Variants in MAP4 observed in about 807,000 individuals in gnomAD.
MAP4 encodes microtubule-associated protein 4.
Under a neutral mutation model 170.2 loss-of-function variants are expected in MAP4, and 76 were observed. The observed-to-expected ratio is 0.45, with a 90% confidence interval of 0.37 to 0.54. The LOEUF is 0.54. MAP4 is among the 20% of genes least tolerant of loss of function. MAP4 has a pLI of 0.00. For synonymous variants in MAP4, 909 were observed against 994.5 expected (o/e 0.91, Z 1.62); for missense variants, 2,506 against 2,748.0 (o/e 0.91, Z 1.97).
chr3:47,986,367 G>A (rs1004224010), intron 2 of MAP4, among the ~76,000 whole-genome samples: 1 of 151,754 alleles, frequency 6.6e-6, no homozygotes, highest in African/African-American at 2.4e-5. Flanking sequence ...TTTTGAGATG[G>A]AGTCACTCTG....
chr3:48,002,954 AAAAT>A (rs55814118), intron 1 of MAP4, among the ~76,000 whole-genome samples: 6,198 of 144,716 alleles, frequency 0.043, 395 homozygotes, highest in African/African-American at 0.14. Flanking sequence ...ATTAAGGCCA[AAAAT>A]AAATAAATAA....
chr3:47,941,752 ACTCCAGCCTG>A lies in MAP4; in HGVS notation c.293-13412_293-13403del, dbSNP rs578155202. On this transcript the variant is annotated intron_variant, in intron 3 of 20. Coordinates refer to ENST00000683076, the MANE Select transcript of MAP4 (RefSeq NM_001385682.1). ...CAATGAGCTGAGATCGTGCCATTGCACTCCAGCCTGGGCAACAGGGCAAGACTCCGTCTCA... is the reference window on the plus strand; with the variant it reads ...CAATGAGCTGAGATCGTGCCATTGCAGGCAACAGGGCAAGACTCCGTCTCA... 4.4e-3 allele frequency among the ~76,000 whole-genome samples: 648 copies of A among 147,766 alleles called. 5 individuals are homozygous for A. The highest frequency in any genetic ancestry group is 0.032 in the South Asian group (150 of 4,670).
chr3:47,853,391 C>CG (rs757288915), intron 19 of MAP4, 39 bp from the exon 20 acceptor site: 31 of 1,411,768 alleles, frequency 2.2e-5, no homozygotes, highest in Non-Finnish European at 2.6e-5. Context: ...CAGGGTCAGT[C>CG]GAGGGGGGGA....
intron 1 of MAP4, among the ~76,000 whole-genome samples, chr3:48,044,016 T>G (rs1377855977): frequency 6.6e-6 from 1 of 151,004 alleles, no homozygotes; most frequent in African/African-American, 2.4e-5. Context: ...CAGCTAATGT[T>G]TGTATTTTTA....
chr3:47,867,162 T>C (rs1384216678), intron 17 of MAP4, 84 bp downstream of exon 17: 9 of 939,762 alleles, frequency 9.6e-6, no homozygotes, highest in East Asian at 2.4e-5. Context: ...TGGGATTCTA[T>C]CTACATGGGC....
intron 10 of MAP4, among the ~76,000 whole-genome samples, chr3:47,895,061 T>C (rs1246696290): frequency 1.3e-5 from 2 of 150,468 alleles, no homozygotes; most frequent in Non-Finnish European, 2.9e-5. Flanking sequence ...ATTGTTGTAA[T>C]ACAGTCTGAA....
At chr3:48,074,193 C>T (rs1203652773) in intron 1 of MAP4, among the ~76,000 whole-genome samples, 2 of 151,452 alleles carry the variant, frequency 1.3e-5, no homozygotes, top group Non-Finnish European at 2.9e-5. Flanking sequence ...TCATTCTGAG[C>T]AAACTATCAC....
At position 47,911,909 on chromosome 3, in the gene MAP4, TAACTA is replaced by T; in HGVS notation, c.2507_2511del (p.Leu836Ter). 1.3e-6 allele frequency: 2 copies of T among 1,536,120 alleles called. No homozygotes were observed. The highest frequency in any genetic ancestry group is 2.4e-5 in the South Asian group (2 of 84,064). On this transcript the variant is annotated frameshift_variant, in exon 9 of 21. Coordinates refer to ENST00000683076, the MANE Select transcript of MAP4 (RefSeq NM_001385682.1). LOFTEE classifies it high-confidence loss of function. This position sits in a 1 kb window ranked among gnomAD's most constrained non-coding sequence, Gnocchi z 4.0. ...GCTACCAGTCTGGCTGCACTGGAGT[TAACTA>T]AACATTCCCTTTTCAAGTTTTCTCC...
At chr3:47,981,391 A>G (rs2100085353) in intron 2 of MAP4, among the ~76,000 whole-genome samples, 1 of 151,816 alleles carries the variant, frequency 6.6e-6, no homozygotes, top group Non-Finnish European at 1.5e-5. Flanking sequence ...CCCATCTCTA[A>G]AAATAAATAA....
At chr3:47,922,760 A>G (rs912220490) in intron 4 of MAP4, among the ~76,000 whole-genome samples, 1 of 152,160 alleles carries the variant, frequency 6.6e-6, no homozygotes, top group Non-Finnish European at 1.5e-5. Context: ...TACATGAAAA[A>G]AAAGCAGGGC....
In MAP4 at chr3:47,871,970, G is replaced by A. The variant is rs2093194448; in HGVS notation, c.5888C>T (p.Ser1963Leu). Reference protein sequence around the residue: ...AKTTTAAAVASTGPSSRSPST... With the variant: ...AKTTTAAAVALTGPSSRSPST... ...GGGGCTCCTACTGCTTGGGCCAGTTGAGGCAACAGCAGCAGCTGTTGTGGT... is the reference window on the plus strand; with the variant it reads ...GGGGCTCCTACTGCTTGGGCCAGTTAAGGCAACAGCAGCAGCTGTTGTGGT... Residue 1963 changes from serine (S) to leucine (L), a missense_variant, in exon 13 of 21, where the codon TCA becomes TTA. Physicochemically the swap from Ser to Leu is moderately radical, Grantham distance 145. Transcript: ENST00000683076. 1.9e-6 allele frequency: 3 copies of A among 1,613,960 alleles called. No individual in the cohort carries two copies. Among genetic ancestry groups the A allele is most frequent in the Non-Finnish European group, 2.5e-6 (3 of 1,179,976 alleles).
chr3:47,948,610 C>T (rs1254707202), intron 3 of MAP4, among the ~76,000 whole-genome samples: 1 of 151,844 alleles, frequency 6.6e-6, no homozygotes, highest in Non-Finnish European at 1.5e-5. Context: ...TCAATCCATG[C>T]TCTGGCAGGT....
Position 47,968,452 on chromosome 3 carries a change from T to C in MAP4, c.292+9413A>G, listed in dbSNP as rs538955438. Among the ~76,000 whole-genome samples the C allele has an allele frequency of 8.5e-5, 13 of 152,312 alleles. 1 individual carries two copies. The South Asian group carries it at 2.3e-3, about 27-fold the overall frequency. ...AGAAAGTAAACAGAAGATTGGGGAA[T>C]GCACAAATATGCAGAAATTAACACA... On this transcript the variant is annotated intron_variant, in intron 3 of 20. Transcript: ENST00000683076.
At chr3:48,003,473 AC>A (rs1199381788) in intron 1 of MAP4, among the ~76,000 whole-genome samples, 125 of 142,256 alleles carry the variant, frequency 8.8e-4, no homozygotes, top group Admixed American at 1.5e-3. Flanking sequence ...AAAAAAAAAA[AC>A]ATATTAAATT....
rs901731211 is a variant in MAP4, at chr3:47,912,248, C to A, written c.2173G>T (p.Gly725Cys). 52 of 1,536,004 alleles carry A rather than the reference C, an allele frequency of 3.4e-5. No individual in the cohort carries two copies. Among genetic ancestry groups the A allele is most frequent in the Middle Eastern group, 3.3e-4 (2 of 6,010 alleles). The change falls in exon 9 of 21, where the codon GGT (glycine) becomes TGT (cysteine). Residue 725 changes from glycine to cysteine, a missense_variant. Coordinates refer to ENST00000683076, the MANE Select transcript of MAP4 (RefSeq NM_001385682.1). ...CAGGAGGATGAACCAGAGACCCAAC[C>A]TGACTCAGACAAAGAGCAGTGGCCC... ...RLGHCSLSES[G>C]WVSGSSSCGG...
In MAP4 at chr3:47,911,992, C is replaced by T; in HGVS notation, c.2429G>A (p.Gly810Asp). Residue 810 changes from glycine to aspartate, a missense_variant, in exon 9 of 21, where the codon GGT becomes GAT. This residue lies in a region of MAP4 where 2,008 missense variants were observed against 2,206.0 expected (regional missense o/e 0.91). Transcript: ENST00000683076. The surrounding 1 kb of genome is among the most constrained non-coding windows in gnomAD (Gnocchi z 4.0). ...HPFAADTQKS[G>D]VLPSQPTTMG... ...AGTGGTAGGCTGGCTGGGGAGAACA[C>T]CTGATTTTTGTGTGTCAGCTGCAAA... The T allele has an allele frequency of 6.5e-7, 1 of 1,536,094 alleles. No homozygotes were observed. Among genetic ancestry groups the T allele is most frequent in the South Asian group, 1.2e-5 (1 of 84,062 alleles).
chr3:47,892,792 AT>A, intron 10 of MAP4: 1 of 1,187,674 alleles, frequency 8.4e-7, no homozygotes, highest in Non-Finnish European at 1.0e-6. Context: ...CTCTGTTTAG[AT>A]CTGCAATTTA....
intron 1 of MAP4, among the ~76,000 whole-genome samples, chr3:48,050,426 A>G (rs916530137): frequency 6.6e-6 from 1 of 152,052 alleles, no homozygotes; most frequent in Admixed American, 6.6e-5. Flanking sequence ...CCAGGACACA[A>G]ACTCTTCATA....
chr3:47,863,909 TGTGTGG>T (rs922430994), intron 17 of MAP4, among the ~76,000 whole-genome samples: 2 of 121,966 alleles, frequency 1.6e-5, no homozygotes, highest in African/African-American at 3.5e-5. Context: ...TGTGTGTGTG[TGTGTGG>T]GTGTGGGTGT....
Sources: gnomAD v4.1 joint callset for allele counts (sites outside exome capture counted in the v4.1 genomes callset) on GRCh38, gnomAD v4.1.1 for gene constraint, gnomAD v4.1.1 regional missense constraint, Gnocchi (gnomAD v3.1) non-coding constraint, MANE v1.5 for transcripts, NCBI Gene and HGNC (gene_info 2026-07-23, HGNC 2026-07-21) for gene names.